Variants in OR9Q1 observed in about 807,000 individuals in gnomAD.
The protein encoded by OR9Q1 is olfactory receptor family 9 subfamily Q member 1, also known as olfactory receptor 9Q1.
For synonymous variants in OR9Q1, 153 were observed against 148.6 expected, an observed-to-expected ratio of 1.03 and a Z score of -0.22; for missense variants, 374 against 378.8, an observed-to-expected ratio of 0.99 and a Z score of 0.11.
chr11:58,165,678 G>A (rs938839022), intron 2 of OR9Q1, among the ~76,000 whole-genome samples: 4 of 152,154 alleles, frequency 2.6e-5, no homozygotes, highest in Non-Finnish European at 5.9e-5. Context: ...TCTGACACTC[G>A]TTGGACAGTA....
chr11:58,030,883 A>T, intron 1 of OR9Q1: 3 of 936,030 alleles, frequency 3.2e-6, no homozygotes, highest in Non-Finnish European at 5.1e-6. Context: ...ACATCCTCCA[A>T]CCTCACAGGT....
intron 2 of OR9Q1, among the ~76,000 whole-genome samples, chr11:58,082,065 C>T (rs57619847): frequency 0.13 from 19,700 of 151,958 alleles, 1,525 homozygotes; most frequent in South Asian, 0.2. Context: ...CAATGAGATA[C>T]CATCTCACAC....
At chr11:58,028,344 G>T (rs1852995743) in intron 1 of OR9Q1, among the ~76,000 whole-genome samples, 2 of 152,196 alleles carry the variant, frequency 1.3e-5, no homozygotes, top group African/African-American at 2.4e-5. Context: ...AGCCTTCCTA[G>T]TGAAGACAGG....
rs753223614 is a variant in OR9Q1, at chr11:58,088,153, A to G, written c.-15+32206A>G. Among the ~76,000 whole-genome samples, 10 of 151,900 alleles carry G rather than the reference A, an allele frequency of 6.6e-5. 1 individual carries two copies. The highest frequency in any genetic ancestry group is 9.7e-5 in the African/African-American group (4 of 41,204). On this transcript the variant is annotated intron_variant, in intron 2 of 2. Coordinates refer to ENST00000335397, the MANE Select transcript of OR9Q1 (RefSeq NM_001005212.4). The stretch of plus-strand genomic sequence containing the variant: ...ACCGCACCCGGCCTGACATGAACTC[A>G]TTCTTTTTGATGGCTGCATAGTATT...
intron 2 of OR9Q1, among the ~76,000 whole-genome samples, chr11:58,085,666 T>C (rs1853627386): frequency 6.6e-6 from 1 of 151,894 alleles, no homozygotes; most frequent in South Asian, 2.1e-4. Flanking sequence ...TTTTATTCTT[T>C]TTTAAAAAAT....
At chr11:58,058,834 A>AT (rs556630394) in intron 2 of OR9Q1, among the ~76,000 whole-genome samples, 336 of 152,292 alleles carry the variant, frequency 2.2e-3, no homozygotes, top group Admixed American at 7.9e-3. Context: ...AGGTCCAGTT[A>AT]AAGTAACTCA....
chr11:58,146,361 A>G (rs1854299132), intron 2 of OR9Q1, among the ~76,000 whole-genome samples: 1 of 152,338 alleles, frequency 6.6e-6, no homozygotes, highest in Non-Finnish European at 1.5e-5. Flanking sequence ...TGCTAGAAAT[A>G]TTACCTGGGA....
intron 2 of OR9Q1, among the ~76,000 whole-genome samples, chr11:58,091,483 A>G (rs1853683775): frequency 3.9e-5 from 6 of 151,970 alleles, no homozygotes; most frequent in Admixed American, 3.9e-4. Context: ...CTGAGTTCTA[A>G]TTTGGTTGTA....
At chr11:58,109,787 G>T (rs1221990911) in intron 2 of OR9Q1, 2 of 349,846 alleles carry the variant, frequency 5.7e-6, no homozygotes, top group Non-Finnish European at 1.1e-5. Flanking sequence ...GAGAAAAAAA[G>T]TATTTACCAT....
chr11:58,173,149 ATTATAC>A (rs2119953523), intron 2 of OR9Q1, among the ~76,000 whole-genome samples: 2 of 152,148 alleles, frequency 1.3e-5, no homozygotes, highest in East Asian at 3.9e-4. Flanking sequence ...TTTTATTATT[ATTATAC>A]TTTAAGTTCT....
chr11:58,169,743 G>A lies in OR9Q1; in HGVS notation c.-14-9688G>A, dbSNP rs906754183. On this transcript the variant is annotated intron_variant, in intron 2 of 2. Coordinates refer to ENST00000335397, the MANE Select transcript of OR9Q1 (RefSeq NM_001005212.4). The stretch of plus-strand genomic sequence containing the variant: ...TTCCCCTCTTTTTCCAGGATGTGAT[G>A]TAAATTCTCCAGGGCTTTACATATC... 7.2e-5 allele frequency among the ~76,000 whole-genome samples: 11 copies of A among 152,144 alleles called. No individual in the cohort carries two copies. In the South Asian group the frequency reaches 2.3e-3, roughly 32 times the overall value.
intron 2 of OR9Q1, among the ~76,000 whole-genome samples, chr11:58,131,040 G>T (rs2119841816): frequency 6.6e-6 from 1 of 152,218 alleles, no homozygotes; most frequent in East Asian, 1.9e-4. Flanking sequence ...AGGATATTTT[G>T]GATGTGAGGA....
intron 2 of OR9Q1, among the ~76,000 whole-genome samples, chr11:58,076,511 C>A (rs952339085): frequency 2.6e-5 from 4 of 152,200 alleles, no homozygotes; most frequent in Non-Finnish European, 4.4e-5. Context: ...CTTACTCCTT[C>A]AAGACAAGCA....
chr11:58,169,268 A>C (rs1530859), intron 2 of OR9Q1, among the ~76,000 whole-genome samples: 63,526 of 151,806 alleles, frequency 0.42, 13,491 homozygotes, highest in Admixed American at 0.46. Flanking sequence ...GTCCAGAAGT[A>C]TGTTTTGTTC....
intron 2 of OR9Q1, among the ~76,000 whole-genome samples, chr11:58,069,894 C>T (rs1248889221): frequency 6.6e-6 from 1 of 151,936 alleles, no homozygotes. Flanking sequence ...CAAACCAAAC[C>T]AAACCAAAAC....
At chr11:58,027,403 C>A (rs1366746651) in intron 1 of OR9Q1, among the ~76,000 whole-genome samples, 1 of 152,128 alleles carries the variant, frequency 6.6e-6, no homozygotes, top group Non-Finnish European at 1.5e-5. Context: ...GCCCATGGTC[C>A]AAATCCAGCT....
chr11:58,093,441 A>G (rs1286888296), intron 2 of OR9Q1, among the ~76,000 whole-genome samples: 1 of 152,192 alleles, frequency 6.6e-6, no homozygotes, highest in East Asian at 1.9e-4. Context: ...ACTAATCATC[A>G]GAGAAATGCA....
intron 1 of OR9Q1, among the ~76,000 whole-genome samples, chr11:58,028,766 C>G (rs1038640092): frequency 6.6e-6 from 1 of 152,204 alleles, no homozygotes; most frequent in African/African-American, 2.4e-5. Context: ...TATAGACTTC[C>G]CACTGTGGGG....
chr11:58,081,811 T>A (rs1232092877), intron 2 of OR9Q1, among the ~76,000 whole-genome samples: 17 of 135,168 alleles, frequency 1.3e-4, no homozygotes, highest in Non-Finnish European at 2.1e-4. Flanking sequence ...TTTTTTTTTT[T>A]ACTTTTGTTG....
Sources: gnomAD v4.1 joint callset for allele counts (sites outside exome capture counted in the v4.1 genomes callset) on GRCh38, gnomAD v4.1.1 for gene constraint, MANE v1.5 for transcripts, NCBI Gene and HGNC (gene_info 2026-07-23, HGNC 2026-07-21) for gene names.